MCTP1: variants seen among roughly 807,000 people sequenced by gnomAD.
MCTP1 encodes multiple C2 and transmembrane domain containing 1.
Under a neutral mutation model 120.6 loss-of-function variants are expected in MCTP1, and 69 were observed. The ratio of observed to expected loss-of-function variants is 0.57; its 90% confidence interval spans 0.47 to 0.70. The LOEUF (loss-of-function observed/expected upper bound fraction) is 0.70, where lower values mean the gene tolerates loss of function less well. Among genes scored for constraint, MCTP1 ranks in the 30% least tolerant of loss-of-function variants. The pLI, the probability that MCTP1 is intolerant of heterozygous loss-of-function variation, is 0.00. For synonymous variants in MCTP1, 529 were observed against 493.1 expected, an observed-to-expected ratio of 1.07 and a Z score of -0.96; for missense variants, 1,203 against 1,248.8, an observed-to-expected ratio of 0.96 and a Z score of 0.55.
At chr5:95,273,083 G>T (rs1759537857) in intron 1 of MCTP1, among the ~76,000 whole-genome samples, 2 of 152,262 alleles carry the variant, frequency 1.3e-5, no homozygotes, top group South Asian at 4.1e-4. Context: ...TGGCCCCACA[G>T]GGCGCAGGAG....
At chr5:94,964,910 C>A (rs910317906) in intron 2 of MCTP1, among the ~76,000 whole-genome samples, 2 of 151,876 alleles carry the variant, frequency 1.3e-5, no homozygotes, top group African/African-American at 4.8e-5. Context: ...TTTGTAAATC[C>A]TTTGCTATAG....
chr5:95,082,535 C>T (rs187170564), intron 1 of MCTP1, among the ~76,000 whole-genome samples: 4 of 152,050 alleles, frequency 2.6e-5, no homozygotes, highest in Admixed American at 6.5e-5. Context: ...CTAACTAGAA[C>T]AGGGCTGTTA....
intron 1 of MCTP1, among the ~76,000 whole-genome samples, chr5:95,263,473 C>T (rs2152722105): frequency 6.6e-6 from 1 of 152,292 alleles, no homozygotes; most frequent in African/African-American, 2.4e-5. Flanking sequence ...GTTGCTGCCA[C>T]AAATTCTACA....
In MCTP1 at chr5:94,972,253, G is replaced by A. The variant is rs529617191; in HGVS notation, c.839-18892C>T. Reference sequence around the variant, plus strand: ...AGTATTCAAAGCTTCTCCTTGTTCAGGAGATTTTGCACAAACAGGAGTAAA... The same window carrying A: ...AGTATTCAAAGCTTCTCCTTGTTCAAGAGATTTTGCACAAACAGGAGTAAA... On this transcript the variant is annotated intron_variant, in intron 2 of 22. Transcript: ENST00000515393. Among the ~76,000 whole-genome samples, 7 of 152,172 alleles carry A rather than the reference G, an allele frequency of 4.6e-5. No homozygotes were observed. The South Asian group carries it at 1.5e-3, about 32-fold the overall frequency.
At chr5:95,269,328 T>C (rs1332619723) in intron 1 of MCTP1, among the ~76,000 whole-genome samples, 1 of 152,208 alleles carries the variant, frequency 6.6e-6, no homozygotes, top group Non-Finnish European at 1.5e-5. Flanking sequence ...AGAATTTGTT[T>C]TCCTGTCCAA....
intron 19 of MCTP1, among the ~76,000 whole-genome samples, chr5:94,766,190 T>C (rs867142823): frequency 3.9e-4 from 59 of 152,186 alleles, no homozygotes; most frequent in South Asian, 6.2e-4. Context: ...GAGGTTGCAG[T>C]GAGCTGAGAT....
chr5:94,883,355 A>G (rs1191382123), intron 12 of MCTP1, among the ~76,000 whole-genome samples: 1 of 152,200 alleles, frequency 6.6e-6, no homozygotes, highest in Non-Finnish European at 1.5e-5. Flanking sequence ...ATTAAAAAGC[A>G]AATGGAACAT....
At chr5:95,204,515 A>T (rs1751413615) in intron 1 of MCTP1, among the ~76,000 whole-genome samples, 1 of 152,204 alleles carries the variant, frequency 6.6e-6, no homozygotes, top group Admixed American at 6.5e-5. Flanking sequence ...TGCACTAGAG[A>T]TTCTTGCCAG....
At chr5:94,726,580 A>C (rs1247245690) in intron 19 of MCTP1, among the ~76,000 whole-genome samples, 1 of 33,234 alleles carries the variant, frequency 3.0e-5, no homozygotes, top group Non-Finnish European at 6.1e-5. Flanking sequence ...GGGCCCGCAA[A>C]GTTTTTTTTT....
intron 1 of MCTP1, among the ~76,000 whole-genome samples, chr5:95,129,209 G>A (rs1758850276): frequency 6.6e-6 from 1 of 152,138 alleles, no homozygotes; most frequent in African/African-American, 2.4e-5. Context: ...CACAGAAGAG[G>A]GATAGCACTG....
At chr5:94,827,939 A>G (rs527682534) in intron 17 of MCTP1, among the ~76,000 whole-genome samples, 1 of 151,924 alleles carries the variant, frequency 6.6e-6, no homozygotes, top group East Asian at 2.0e-4. Flanking sequence ...GGAGTTTGTT[A>G]TTACCCACCT....
At chr5:95,010,458 A>G (rs1043952954) in intron 2 of MCTP1, among the ~76,000 whole-genome samples, 1 of 152,172 alleles carries the variant, frequency 6.6e-6, no homozygotes, top group African/African-American at 2.4e-5. Flanking sequence ...GCAAATCTCA[A>G]GTGACATAAT....
intron 1 of MCTP1, among the ~76,000 whole-genome samples, chr5:95,238,894 T>C (rs1398084300): frequency 6.6e-6 from 1 of 152,160 alleles, no homozygotes; most frequent in Admixed American, 6.5e-5. Context: ...CAAGCCTTGC[T>C]CGGTATAATC....
At position 94,777,171 on chromosome 5, in the gene MCTP1, C is replaced by T. The variant is rs1282183984; in HGVS notation, c.2610+1939G>A. Among the ~76,000 whole-genome samples, 6 of 152,176 alleles carry T rather than the reference C, an allele frequency of 3.9e-5. No homozygotes were observed. The East Asian group carries it at 1.2e-3, about 29-fold the overall frequency. ...TGTCGGCATCCTGTACAGAAGAATA[C>T]AGTTGAATTCACACTGCAATTTAAG... On this transcript the variant is annotated intron_variant, in intron 19 of 22. Transcript: ENST00000515393.
intron 1 of MCTP1, among the ~76,000 whole-genome samples, chr5:95,044,799 T>C (rs2151937082): frequency 6.6e-6 from 1 of 152,022 alleles, no homozygotes; most frequent in East Asian, 1.9e-4. Flanking sequence ...TGTCCTCTTT[T>C]TCCCATACCC....
intron 17 of MCTP1, among the ~76,000 whole-genome samples, chr5:94,802,877 T>C (rs1323227881): frequency 6.6e-6 from 1 of 152,216 alleles, no homozygotes; most frequent in Non-Finnish European, 1.5e-5. Context: ...AAAGAGGACC[T>C]GCAGATTTTA....
intron 10 of MCTP1, among the ~76,000 whole-genome samples, chr5:94,895,324 G>A (rs1477000278): frequency 6.6e-6 from 1 of 152,110 alleles, no homozygotes; most frequent in Non-Finnish European, 1.5e-5. Flanking sequence ...TTAAAACCAT[G>A]CCAATATATT....
At chr5:95,262,214 G>C (rs1233712881) in intron 1 of MCTP1, among the ~76,000 whole-genome samples, 1 of 152,136 alleles carries the variant, frequency 6.6e-6, no homozygotes, top group Admixed American at 6.6e-5. Flanking sequence ...CTGAAATTAA[G>C]GGAATCTAAC....
chr5:95,258,131 C>A (rs1373434978), intron 1 of MCTP1, among the ~76,000 whole-genome samples: 1 of 152,114 alleles, frequency 6.6e-6, no homozygotes, highest in African/African-American at 2.4e-5. Flanking sequence ...CCAAAGACTA[C>A]AGTATGGAAA....
Sources: gnomAD v4.1 joint callset for allele counts (sites outside exome capture counted in the v4.1 genomes callset) on GRCh38, gnomAD v4.1.1 for gene constraint, MANE v1.5 for transcripts, NCBI Gene and HGNC (gene_info 2026-07-23, HGNC 2026-07-21) for gene names.